KATNAL2: variants seen among roughly 807,000 people sequenced by gnomAD.
KATNAL2 encodes the protein katanin catalytic subunit A1 like 2, also known as katanin p60 ATPase-containing subunit A-like 2.
A neutral mutation model predicts 76.3 loss-of-function variants in KATNAL2; 52 were observed. The observed-to-expected ratio is 0.68, with a 90% CI of 0.55 to 0.86. KATNAL2 has a LOEUF of 0.86. Among genes scored for constraint, KATNAL2 ranks in the 40% least tolerant of loss-of-function variants. KATNAL2 has a pLI of 0.00. For synonymous variants in KATNAL2, 243 were observed against 244.2 expected (o/e 1.00, Z 0.05); for missense variants, 660 against 668.9 (o/e 0.99, Z 0.15).
At chr18:46,934,013 T>C (rs888364917) in intron 1 of KATNAL2, among the ~76,000 whole-genome samples, 2 of 151,346 alleles carry the variant, frequency 1.3e-5, no homozygotes, top group Admixed American at 6.6e-5. Flanking sequence ...TTCCATGGTG[T>C]ATATGTGCCA....
chr18:46,930,027 G>A (rs547666073), intron 1 of KATNAL2, among the ~76,000 whole-genome samples: 10 of 152,168 alleles, frequency 6.6e-5, no homozygotes, highest in African/African-American at 1.9e-4. Context: ...CGCCCTCGTC[G>A]ACCCCCAAAG....
Position 46,917,728 on chromosome 18 carries a change from T to C in KATNAL2, c.-708T>C, listed in dbSNP as rs570981857. ...CCCCTGCGGACTGCCTAGAGCTGGG[T>C]CGCAACTGAGGCGTTATCCGCGGGC... On this transcript the variant is annotated 5_prime_UTR_variant, in exon 1 of 18. Transcript: ENST00000683218. 4.0e-6 allele frequency: 1 copy of C among 247,480 alleles called. No homozygotes were observed. Among genetic ancestry groups the C allele is most frequent in the Non-Finnish European group, 6.5e-6 (1 of 154,852 alleles). The allele number at this position is 247,480 out of a possible 1,614,324, so 15.3% of individuals were successfully genotyped here. A position where few individuals can be genotyped will look rare whatever the true frequency, so the allele number is the denominator to read the frequency against.
chr18:47,083,832 A>T (rs980282220), intron 15 of KATNAL2, among the ~76,000 whole-genome samples: 2 of 152,244 alleles, frequency 1.3e-5, no homozygotes, highest in Non-Finnish European at 1.5e-5. Flanking sequence ...CAGGCCCATT[A>T]AGGCAAATGT....
intron 1 of KATNAL2, among the ~76,000 whole-genome samples, chr18:46,931,506 A>G (rs1395781378): frequency 6.6e-6 from 1 of 151,980 alleles, no homozygotes; most frequent in Non-Finnish European, 1.5e-5. Context: ...ACAAAAAATT[A>G]GCTGGGCGTG....
chr18:47,059,697 T>A, intron 8 of KATNAL2, 43 bp downstream of exon 8: 1 of 1,312,070 alleles, frequency 7.6e-7, no homozygotes, highest in Non-Finnish European at 1.1e-6. Flanking sequence ...TGGTAATTTC[T>A]TTTTCCTTTT....
At chr18:46,956,925 C>T (rs1392576831) in intron 3 of KATNAL2, among the ~76,000 whole-genome samples, 2 of 151,800 alleles carry the variant, frequency 1.3e-5, no homozygotes, top group Non-Finnish European at 2.9e-5. Flanking sequence ...CACCTGTAAT[C>T]CCAGCTATTT....
intron 15 of KATNAL2, among the ~76,000 whole-genome samples, chr18:47,093,919 ATTTTG>A (rs1381398012): frequency 6.6e-6 from 1 of 152,002 alleles, no homozygotes; most frequent in Non-Finnish European, 1.5e-5. Flanking sequence ...TCGTTACTGC[ATTTTG>A]TTGTTTTTCT....
At chr18:46,940,431 G>GCT (rs958250472) in intron 1 of KATNAL2, among the ~76,000 whole-genome samples, 1 of 152,032 alleles carries the variant, frequency 6.6e-6, no homozygotes, top group Non-Finnish European at 1.5e-5. Context: ...TGATTAAAAC[G>GCT]CTCTCTCTCT....
intron 15 of KATNAL2, among the ~76,000 whole-genome samples, chr18:47,091,979 T>C (rs1408049890): frequency 6.6e-6 from 1 of 152,178 alleles, no homozygotes; most frequent in Non-Finnish European, 1.5e-5. Flanking sequence ...CTTGGGGTTT[T>C]CAGTCTGATA....
At chr18:46,936,870 G>A (rs1024335141) in intron 1 of KATNAL2, among the ~76,000 whole-genome samples, 10 of 152,094 alleles carry the variant, frequency 6.6e-5, no homozygotes, top group South Asian at 2.1e-4. Context: ...CAGGAGATTC[G>A]CTTGAACCCG....
At chr18:47,072,331 T>G (rs2062037041) in intron 13 of KATNAL2, among the ~76,000 whole-genome samples, 1 of 152,212 alleles carries the variant, frequency 6.6e-6, no homozygotes, top group Non-Finnish European at 1.5e-5. Flanking sequence ...CACAGACTCC[T>G]GAGCCCTCTC....
intron 1 of KATNAL2, among the ~76,000 whole-genome samples, chr18:46,935,619 A>G (rs1193529392): frequency 6.6e-6 from 1 of 151,742 alleles, no homozygotes; most frequent in Non-Finnish European, 1.5e-5. Context: ...GTTTACATTG[A>G]AAAAGAAAAA....
At chr18:47,100,432 GCCTGTTCTTGGTGCCGCTTTA>G in intron 17 of KATNAL2, 76 bp downstream of exon 17, 1 of 1,211,806 alleles carries the variant, frequency 8.3e-7, no homozygotes, top group Non-Finnish European at 1.2e-6. Flanking sequence ...GGAGCCTGGC[GCCTGTTCTTGGTGCCGCTTTA>G]CACTTGGCAA....
At chr18:47,090,269 G>A (rs1309451702) in intron 15 of KATNAL2, among the ~76,000 whole-genome samples, 1 of 152,064 alleles carries the variant, frequency 6.6e-6, no homozygotes. Flanking sequence ...ACCATGCCCA[G>A]CTCATTTTTG....
At position 47,043,235 on chromosome 18, in the gene KATNAL2, A is replaced by AC. The variant is rs1188111476; in HGVS notation, c.52-3222_52-3221insC. ...GAGCGAGACTCCGTTTCAAAAAAAA[A>AC]AAAAAAAAAAGAGATCCTAAAAGCT... On this transcript the variant is annotated intron_variant, in intron 3 of 17. Coordinates refer to ENST00000683218, the MANE Select transcript of KATNAL2 (RefSeq NM_001387690.1). 7.0e-3 allele frequency among the ~76,000 whole-genome samples: 1,005 copies of AC among 144,544 alleles called. 131 individuals are homozygous for AC. The highest frequency in any genetic ancestry group is 0.023 in the African/African-American group (948 of 40,524). The allele number at this position is 144,544 out of a possible 152,430, so 94.8% of individuals were successfully genotyped here.
intron 3 of KATNAL2, among the ~76,000 whole-genome samples, chr18:46,959,120 G>A (rs992552558): frequency 2.6e-5 from 4 of 152,144 alleles, no homozygotes; most frequent in Non-Finnish European, 4.4e-5. Context: ...TCAAATAACT[G>A]AAGCTTATTA....
At chr18:47,033,843 G>C in intron 3 of KATNAL2, 1 of 1,614,126 alleles carries the variant, frequency 6.2e-7, no homozygotes, top group East Asian at 2.2e-5. Context: ...AAAGCGGATC[G>C]TAGTTGGCCT....
intron 1 of KATNAL2, among the ~76,000 whole-genome samples, chr18:46,919,190 A>G (rs1025332230): frequency 1.3e-5 from 2 of 151,698 alleles, no homozygotes; most frequent in Non-Finnish European, 2.9e-5. Context: ...GTCTCTACTA[A>G]AAATACAAAA....
At chr18:47,066,895 T>C in intron 10 of KATNAL2, 126 bp from the exon 11 acceptor site, 1 of 55,520 alleles carries the variant, frequency 1.8e-5, no homozygotes, top group Non-Finnish European at 4.0e-5. Context: ...ATATATATAA[T>C]ATGAACAGTT....
Sources: gnomAD v4.1 joint callset for allele counts (sites outside exome capture counted in the v4.1 genomes callset) on GRCh38, gnomAD v4.1.1 for gene constraint, MANE v1.5 for transcripts, NCBI Gene and HGNC (gene_info 2026-07-23, HGNC 2026-07-21) for gene names.